Variants in TP63 observed in about 807,000 individuals in gnomAD.
The protein encoded by TP63 is tumor protein p63.
In TP63, 17 loss-of-function variants were observed where a neutral mutation model predicts 82.8. That is an observed-to-expected ratio of 0.21 (90% CI 0.14 to 0.31). TP63 has a LOEUF of 0.31. Ranked by LOEUF, TP63 falls within the 10% of genes least tolerant of loss-of-function variation. TP63 has a pLI of 1.00. For synonymous variants in TP63, 330 were observed against 321.7 expected, an observed-to-expected ratio of 1.03 and a Z score of -0.28; for missense variants, 648 against 895.3, an observed-to-expected ratio of 0.72 and a Z score of 3.52.
chr3:189,687,031 G>C (rs1716506249), intron 1 of TP63, among the ~76,000 whole-genome samples: 1 of 152,016 alleles, frequency 6.6e-6, no homozygotes, highest in African/African-American at 2.4e-5. Context: ...GCCTGGCCAA[G>C]GGTCAGGGTT....
chr3:189,892,158 TGA>T (rs1344477690), intron 13 of TP63, among the ~76,000 whole-genome samples: 1 of 152,230 alleles, frequency 6.6e-6, no homozygotes, highest in African/African-American at 2.4e-5. Flanking sequence ...GCCCTATATT[TGA>T]GAGAGTCTCC....
intron 4 of TP63, among the ~76,000 whole-genome samples, chr3:189,846,933 G>A (rs959544632): frequency 1.3e-5 from 2 of 150,982 alleles, no homozygotes; most frequent in African/African-American, 2.4e-5. Context: ...CACCCACCTC[G>A]GCCTCCCAAA....
intron 1 of TP63, among the ~76,000 whole-genome samples, chr3:189,712,407 A>G (rs1198982907): frequency 6.6e-6 from 1 of 152,206 alleles, no homozygotes; most frequent in Non-Finnish European, 1.5e-5. Flanking sequence ...TGGGTAACTT[A>G]CAAACAATAG....
In TP63 at chr3:189,849,098, A is replaced by G. The variant is rs1026448267; in HGVS notation, c.580-15134A>G. ...AGGACAGGTTTCAGCAAGGTTCAAG[A>G]TAGTAAAACATGTGGAGAGTTTTAG... On this transcript the variant is annotated intron_variant, in intron 4 of 13. Coordinates refer to ENST00000264731, the MANE Select transcript of TP63 (RefSeq NM_003722.5). Among the ~76,000 whole-genome samples the G allele has an allele frequency of 7.2e-5, 11 of 152,350 alleles. No individual in the cohort carries two copies. The South Asian group carries it at 2.3e-3, about 32-fold the overall frequency.
chr3:189,840,859 A>G (rs796349889), intron 4 of TP63, among the ~76,000 whole-genome samples: 11 of 42,164 alleles, frequency 2.6e-4, no homozygotes, highest in African/African-American at 6.8e-4. Context: ...TCAGTCTCCA[A>G]AAAAAAAAAA....
At chr3:189,643,456 A>G (rs941345087) in intron 1 of TP63, among the ~76,000 whole-genome samples, 2 of 20,798 alleles carry the variant, frequency 9.6e-5, no homozygotes, top group East Asian at 1.9e-3. Flanking sequence ...TAAACTGATT[A>G]AAAAAAAAAA....
chr3:189,643,385 T>C (rs1004689482), intron 1 of TP63, among the ~76,000 whole-genome samples: 5 of 151,892 alleles, frequency 3.3e-5, no homozygotes, highest in African/African-American at 1.2e-4. Context: ...GGGCTTAACT[T>C]TGAAAACTTA....
At chr3:189,733,125 G>T (rs1052723876) in intron 1 of TP63, among the ~76,000 whole-genome samples, 1 of 152,064 alleles carries the variant, frequency 6.6e-6, no homozygotes. Flanking sequence ...ACAGGGAAAT[G>T]ACTTTTAGGA....
intron 1 of TP63, among the ~76,000 whole-genome samples, chr3:189,683,919 G>A (rs1716191266): frequency 6.6e-6 from 1 of 152,222 alleles, no homozygotes. Context: ...ATGTCACCTA[G>A]GATGAAAAAT....
intron 1 of TP63, among the ~76,000 whole-genome samples, chr3:189,645,085 G>A (rs940212407): frequency 7.2e-5 from 11 of 152,016 alleles, no homozygotes; most frequent in South Asian, 4.2e-4. Flanking sequence ...CCCATGAATC[G>A]ATATAAACCT....
intron 3 of TP63, among the ~76,000 whole-genome samples, chr3:189,796,551 T>A (rs984800995): frequency 6.6e-6 from 1 of 152,014 alleles, no homozygotes; most frequent in Non-Finnish European, 1.5e-5. Flanking sequence ...CTCTTTTTTT[T>A]ACCAACCTAA....
Position 189,894,478 on chromosome 3 carries a change from G to A in TP63, c.2019G>A (p.Gln673=), listed in dbSNP as rs1553863745. 6.2e-7 allele frequency: 1 copy of A among 1,613,758 alleles called. No individual in the cohort carries two copies. Residue 673 remains glutamine, a synonymous_variant, in exon 14 of 14, where the codon CAG becomes CAA. Transcript: ENST00000264731. ...TGGATGCTCGCCGCAATAAGCAACA[G>A]CGCATCAAAGAGGAGGGGGAGTGAG... ...FDMDARRNKQ[Q]RIKEEGE is the part of the protein sequence containing the mutation.
intron 1 of TP63, among the ~76,000 whole-genome samples, chr3:189,709,659 A>C (rs1407577920): frequency 6.6e-6 from 1 of 152,150 alleles, no homozygotes; most frequent in Non-Finnish European, 1.5e-5. Context: ...AATAATAATA[A>C]TAAAAAAGAA....
chr3:189,768,378 A>T (rs150523124), intron 3 of TP63, among the ~76,000 whole-genome samples: 1 of 152,272 alleles, frequency 6.6e-6, no homozygotes, highest in Non-Finnish European at 1.5e-5. Flanking sequence ...CAGCATCAAC[A>T]TCCAATTCCT....
At chr3:189,879,013 A>C (rs1021942923) in intron 10 of TP63, among the ~76,000 whole-genome samples, 18 of 152,192 alleles carry the variant, frequency 1.2e-4, no homozygotes, top group Non-Finnish European at 2.6e-4. Context: ...AAAAAACTCA[A>C]TGATTAATTA....
rs79422387 is a variant in TP63, at chr3:189,809,357, T to C, written c.579+831T>C. 7.3e-3 allele frequency among the ~76,000 whole-genome samples: 1,109 copies of C among 152,282 alleles called. 11 individuals carry two copies. Among genetic ancestry groups the C allele is most frequent in the African/African-American group, 0.026 (1,078 of 41,562 alleles). On this transcript the variant is annotated intron_variant, in intron 4 of 13. Coordinates refer to ENST00000264731, the MANE Select transcript of TP63 (RefSeq NM_003722.5). ...TTCTAAGGAAGCATGGAATTTTCTT[T>C]TTCATAACTAGATCCAAGAATATTT... is the stretch of plus-strand genomic sequence containing the variant.
At chr3:189,836,985 A>G (rs1223472356) in intron 4 of TP63, among the ~76,000 whole-genome samples, 1 of 152,226 alleles carries the variant, frequency 6.6e-6, no homozygotes, top group Non-Finnish European at 1.5e-5. Context: ...CACTTCTCAC[A>G]TGCAAAGTTA....
chr3:189,718,066 TTACAGA>T (rs1719094985), intron 1 of TP63, among the ~76,000 whole-genome samples: 1 of 152,114 alleles, frequency 6.6e-6, no homozygotes, highest in Non-Finnish European at 1.5e-5. Context: ...ATGCCAATCT[TTACAGA>T]GGGTAACCTA....
intron 1 of TP63, among the ~76,000 whole-genome samples, chr3:189,706,575 GT>G (rs1319933752): frequency 6.6e-6 from 1 of 152,126 alleles, no homozygotes; most frequent in Admixed American, 6.5e-5. Flanking sequence ...TCTTAATTCT[GT>G]TTTTTCCCTT....
Sources: gnomAD v4.1 joint callset for allele counts (sites outside exome capture counted in the v4.1 genomes callset) on GRCh38, gnomAD v4.1.1 for gene constraint, MANE v1.5 for transcripts, NCBI Gene and HGNC (gene_info 2026-07-23, HGNC 2026-07-21) for gene names.